The following DOK6 variants were observed in gnomAD, a reference collection of about 807,000 sequenced individuals.
DOK6 encodes downstream of tyrosine kinase 6.
A neutral mutation model predicts 44.0 loss-of-function variants in DOK6; 22 were observed. The ratio of observed to expected loss-of-function variants is 0.50; its 90% CI spans 0.36 to 0.71. The LOEUF is 0.71. Among genes scored for constraint, DOK6 ranks in the 30% least tolerant of loss-of-function variants. The pLI, the probability that DOK6 is intolerant of heterozygous loss-of-function variation, is 0.00. For synonymous variants in DOK6, 166 were observed against 145.5 expected (o/e 1.14, Z -1.01); for missense variants, 340 against 416.4 (o/e 0.82, Z 1.60).
intron 2 of DOK6, among the ~76,000 whole-genome samples, chr18:69,585,459 T>A (rs1387191559): frequency 6.6e-6 from 1 of 152,238 alleles, no homozygotes; most frequent in Non-Finnish European, 1.5e-5. Flanking sequence ...TTGTTTGCTG[T>A]TGATAGTGGA....
intron 6 of DOK6, among the ~76,000 whole-genome samples, chr18:69,748,740 T>C (rs1357959575): frequency 6.6e-6 from 1 of 152,184 alleles, no homozygotes; most frequent in African/African-American, 2.4e-5. Context: ...TTGTGGAACA[T>C]GGTGTGGCAA....
chr18:69,421,098 G>A (rs78582032), intron 1 of DOK6, among the ~76,000 whole-genome samples: 2,163 of 152,174 alleles, frequency 0.014, 57 homozygotes, highest in African/African-American at 0.048. Flanking sequence ...ATTAAGACAG[G>A]TTCTCAATTG....
intron 1 of DOK6, among the ~76,000 whole-genome samples, chr18:69,556,421 A>C (rs946510516): frequency 2.0e-5 from 3 of 152,164 alleles, no homozygotes; most frequent in African/African-American, 7.2e-5. Flanking sequence ...CACCACACCC[A>C]ATGTTCCCTT....
chr18:69,589,233 G>A lies in DOK6; in HGVS notation c.175-10151G>A, dbSNP rs112839575. Among the ~76,000 whole-genome samples, 973 of 152,048 alleles carry A rather than the reference G, an allele frequency of 6.4e-3. 14 individuals are homozygous for A. Among genetic ancestry groups the A allele is most frequent in the African/African-American group, 0.022 (904 of 41,486 alleles). On this transcript the variant is annotated intron_variant, in intron 2 of 7. Coordinates refer to ENST00000382713, the MANE Select transcript of DOK6 (RefSeq NM_152721.6). ...ATTAACCTATATTTATTGTAATAAC[G>A]AAAATGCAGTAAAATTTTCATTTTC... is the stretch of plus-strand genomic sequence containing the variant.
chr18:69,524,450 A>G (rs1169633215), intron 1 of DOK6, among the ~76,000 whole-genome samples: 1 of 151,970 alleles, frequency 6.6e-6, no homozygotes, highest in Non-Finnish European at 1.5e-5. Context: ...CATTGTACTT[A>G]TACTCCCTAA....
At chr18:69,555,140 C>T (rs1303962318) in intron 1 of DOK6, among the ~76,000 whole-genome samples, 1 of 151,994 alleles carries the variant, frequency 6.6e-6, no homozygotes, top group Non-Finnish European at 1.5e-5. Flanking sequence ...CTTATTTTAT[C>T]TTACAATAAT....
intron 4 of DOK6, among the ~76,000 whole-genome samples, chr18:69,688,160 A>G (rs965734940): frequency 9.2e-5 from 14 of 152,210 alleles, no homozygotes; most frequent in Non-Finnish European, 1.9e-4. Flanking sequence ...CCCACACTGG[A>G]AACTAAATGT....
intron 5 of DOK6, among the ~76,000 whole-genome samples, chr18:69,712,367 C>A (rs1284983846): frequency 7.6e-6 from 1 of 131,846 alleles, no homozygotes; most frequent in Admixed American, 8.1e-5. Context: ...AAAATCAATT[C>A]TGTGAAGGAA....
At chr18:69,425,800 T>C (rs1945027492) in intron 1 of DOK6, among the ~76,000 whole-genome samples, 1 of 152,110 alleles carries the variant, frequency 6.6e-6, no homozygotes, top group Non-Finnish European at 1.5e-5. Context: ...TCCTTGACTT[T>C]ATTTCACTAT....
At chr18:69,715,148 A>G (rs1986854738) in intron 5 of DOK6, among the ~76,000 whole-genome samples, 1 of 152,184 alleles carries the variant, frequency 6.6e-6, no homozygotes, top group Non-Finnish European at 1.5e-5. Context: ...ATCGGTCTAG[A>G]TTCTGCAAGA....
chr18:69,808,156 C>T (rs2145112726), intron 7 of DOK6, among the ~76,000 whole-genome samples: 1 of 151,658 alleles, frequency 6.6e-6, no homozygotes, highest in Non-Finnish European at 1.5e-5. Flanking sequence ...AGAAAATTCA[C>T]AAATACATGG....
chr18:69,635,484 T>G (rs1984784633), intron 3 of DOK6, among the ~76,000 whole-genome samples: 1 of 152,206 alleles, frequency 6.6e-6, no homozygotes, highest in Non-Finnish European at 1.5e-5. Flanking sequence ...ATGCCTTTGC[T>G]TCAGGCTTTG....
chr18:69,675,067 T>C (rs1259071017), intron 3 of DOK6, among the ~76,000 whole-genome samples: 1 of 152,224 alleles, frequency 6.6e-6, no homozygotes, highest in Non-Finnish European at 1.5e-5. Context: ...ACTAAAATGC[T>C]GAAGCACTGT....
chr18:69,466,990 C>T (rs1979946979), intron 1 of DOK6, among the ~76,000 whole-genome samples: 1 of 151,882 alleles, frequency 6.6e-6, no homozygotes, highest in Non-Finnish European at 1.5e-5. Context: ...GGAGGAAAGA[C>T]CATGAAGGGA....
rs1296781112 is a variant in DOK6, at chr18:69,464,739, G to A, written c.66+63429G>A. 3.3e-5 allele frequency among the ~76,000 whole-genome samples: 5 copies of A among 152,286 alleles called. No homozygotes were observed. In the East Asian group the frequency reaches 7.7e-4, roughly 23 times the overall value. ...AAAGTCAGTCTTCACTATGAACAAT[G>A]TAAACTACAGAATGTATTTAAAGAT... On this transcript the variant is annotated intron_variant, in intron 1 of 7. Transcript: ENST00000382713.
At chr18:69,772,283 A>G (rs1007154230) in intron 7 of DOK6, among the ~76,000 whole-genome samples, 1 of 152,102 alleles carries the variant, frequency 6.6e-6, no homozygotes, top group Admixed American at 6.6e-5. Context: ...TAACATGTCT[A>G]TACTACTCTA....
intron 1 of DOK6, among the ~76,000 whole-genome samples, chr18:69,547,085 C>A (rs1321260482): frequency 4.0e-5 from 6 of 151,160 alleles, no homozygotes; most frequent in Admixed American, 2.0e-4. Context: ...AGGGAACGTA[C>A]CCTTTTTTGT....
At chr18:69,556,601 T>C (rs1251319667) in intron 1 of DOK6, among the ~76,000 whole-genome samples, 1 of 152,228 alleles carries the variant, frequency 6.6e-6, no homozygotes, top group Non-Finnish European at 1.5e-5. Flanking sequence ...ACTTGGTTTT[T>C]GTTGTTATTA....
At chr18:69,695,900 T>C (rs1986378591) in intron 4 of DOK6, among the ~76,000 whole-genome samples, 1 of 152,002 alleles carries the variant, frequency 6.6e-6, no homozygotes, top group Non-Finnish European at 1.5e-5. Flanking sequence ...AGTTGCTGGG[T>C]AAAAAAGTAT....
Sources: gnomAD v4.1 joint callset for allele counts (sites outside exome capture counted in the v4.1 genomes callset) on GRCh38, gnomAD v4.1.1 for gene constraint, MANE v1.5 for transcripts, NCBI Gene and HGNC (gene_info 2026-07-23, HGNC 2026-07-21) for gene names.